The following BTG4 variants were observed in gnomAD, a reference collection of about 807,000 sequenced individuals.
The protein encoded by BTG4 is BTG anti-proliferation factor 4.
A neutral mutation model predicts 19.3 loss-of-function variants in BTG4; 10 were observed. That is an observed-to-expected ratio of 0.52 (90% CI 0.32 to 0.88). The LOEUF (loss-of-function observed/expected upper bound fraction) is 0.88, where lower values mean the gene tolerates loss of function less well. Among genes scored for constraint, BTG4 ranks in the 40% least tolerant of loss-of-function variants. BTG4 has a pLI of 0.04. For synonymous variants in BTG4, 91 were observed against 95.7 expected, an observed-to-expected ratio of 0.95 and a Z score of 0.29; for missense variants, 238 against 281.9, an observed-to-expected ratio of 0.84 and a Z score of 1.11.
the BTG4 span, among the ~76,000 whole-genome samples, chr11:111,423,162 C>A: frequency 6.6e-6 from 1 of 152,090 alleles, no homozygotes; most frequent in Non-Finnish European, 1.5e-5. Context: ...GCCCCTCCAC[C>A]CCGAGTCAGC....
chr11:111,427,974 C>T, the BTG4 span, among the ~76,000 whole-genome samples: 28,971 of 152,066 alleles, frequency 0.19, 2,988 homozygotes, highest in South Asian at 0.28. Context: ...CAGCCCAAGG[C>T]GGTGGCATTC....
At chr11:111,409,012 G>C in the BTG4 span, among the ~76,000 whole-genome samples, 1 of 152,206 alleles carries the variant, frequency 6.6e-6, no homozygotes, top group African/African-American at 2.4e-5. Context: ...AAAAGAAGAA[G>C]TGGGAATTGC....
chr11:111,456,302 G>A, the BTG4 span, among the ~76,000 whole-genome samples: 397 of 152,158 alleles, frequency 2.6e-3, 1 homozygote, highest in Non-Finnish European at 3.5e-3. This position sits in a 1 kb window ranked among gnomAD's most constrained non-coding sequence, Gnocchi z 4.2. Flanking sequence ...AGTCTCTGCC[G>A]GCCTGCGCAA....
At chr11:111,491,727 C>T (rs144615378), downstream of BTG4, among the ~76,000 whole-genome samples, 949 of 107,470 alleles carry the variant, frequency 8.8e-3, 13 homozygotes, top group African/African-American at 0.028. Flanking sequence ...AGAGTGAGAC[C>T]TGATCTCAAA....
the BTG4 span, among the ~76,000 whole-genome samples, chr11:111,409,303 T>C: frequency 6.6e-6 from 1 of 152,020 alleles, no homozygotes. Context: ...CCCACTGTGG[T>C]GGTGTTGAAG....
downstream of BTG4, among the ~76,000 whole-genome samples, chr11:111,493,578 G>A (rs922362407): frequency 1.3e-5 from 2 of 152,140 alleles, no homozygotes; most frequent in Non-Finnish European, 2.9e-5. Flanking sequence ...TATGGAGGCT[G>A]GCAAACATCA....
At chr11:111,509,887 CT>C (rs1335003017) in intron 1 of BTG4, among the ~76,000 whole-genome samples, 3 of 139,710 alleles carry the variant, frequency 2.1e-5, no homozygotes, top group South Asian at 2.4e-4. Context: ...TTGTCTCCAT[CT>C]TTTTTTTTCT....
chr11:111,439,691 C>T, the BTG4 span, among the ~76,000 whole-genome samples: 1 of 152,142 alleles, frequency 6.6e-6, no homozygotes, highest in Non-Finnish European at 1.5e-5. Flanking sequence ...CATCTGGAGG[C>T]CATTCCTAGG....
At chr11:111,421,938 C>G in the BTG4 span, among the ~76,000 whole-genome samples, 1 of 151,826 alleles carries the variant, frequency 6.6e-6, no homozygotes, top group Admixed American at 6.6e-5. Context: ...GAAGGCATGG[C>G]AGGTCACAGC....
At chr11:111,497,027 T>C (rs1188635019) in intron 4 of BTG4, 184 bp downstream of exon 4, 2 of 477,618 alleles carry the variant, frequency 4.2e-6, no homozygotes, top group African/African-American at 4.0e-5. Context: ...CAGCCAAGTG[T>C]AGGGAATACA....
downstream of BTG4, among the ~76,000 whole-genome samples, chr11:111,490,437 T>C (rs554900958): frequency 2.0e-5 from 3 of 152,308 alleles, no homozygotes; most frequent in East Asian, 1.9e-4. Flanking sequence ...ATAACTATTA[T>C]GTACCCATAA....
chr11:111,503,917 A>T (rs1315850488), intron 1 of BTG4, among the ~76,000 whole-genome samples: 1 of 152,140 alleles, frequency 6.6e-6, no homozygotes, highest in Admixed American at 6.6e-5. Flanking sequence ...TTTTTGCTAA[A>T]CTTCACTTAT....
At position 111,498,888 on chromosome 11, in the gene BTG4, A is replaced by G; in HGVS notation, c.-26-86T>C. ...TTTAACTGCCATTTGGAAATTTTAC[A>G]TACCTTAAAGTTAAAACTGAGAAAA... On this transcript the variant is annotated intron_variant, in intron 1 of 4. Transcript: ENST00000692032. 3 of 941,144 alleles carry G rather than the reference A, an allele frequency of 3.2e-6. No homozygotes were observed. The East Asian group carries it at 8.0e-5, about 25-fold the overall frequency. The allele number at this position is 941,144 out of a possible 1,614,324, so 58.3% of individuals were successfully genotyped here.
the BTG4 span, among the ~76,000 whole-genome samples, chr11:111,407,243 T>C: frequency 6.7e-6 from 1 of 149,054 alleles, no homozygotes; most frequent in African/African-American, 2.4e-5. Context: ...CATGTATGTG[T>C]CATATAACAT....
chr11:111,419,422 G>T, the BTG4 span, among the ~76,000 whole-genome samples: 4 of 152,248 alleles, frequency 2.6e-5, no homozygotes, highest in Admixed American at 2.6e-4. Context: ...ACCACTTCCT[G>T]TACGTGCCCC....
chr11:111,510,446 T>C (rs926362035), intron 1 of BTG4, among the ~76,000 whole-genome samples: 1 of 152,216 alleles, frequency 6.6e-6, no homozygotes, highest in African/African-American at 2.4e-5. Flanking sequence ...GGTGCCTTCC[T>C]TGTACTGTCT....
chr11:111,480,071 A>G lies in BTG4; in HGVS notation c.663-12390T>C, dbSNP rs149478140. On this transcript the variant is annotated intron_variant, in intron 5 of 5. Transcript: ENST00000356018. The stretch of plus-strand genomic sequence containing the variant: ...GAAATTGGTAGAGTGAACTAAAAAT[A>G]AGACACAATATGCCATCTACAAGAA... Among the ~76,000 whole-genome samples the G allele has an allele frequency of 7.6e-3, 1,154 of 152,236 alleles. 18 individuals carry two copies. Among genetic ancestry groups the G allele is most frequent in the African/African-American group, 0.026 (1,067 of 41,562 alleles).
chr11:111,454,366 C>T, the BTG4 span: 1 of 451,838 alleles, frequency 2.2e-6, no homozygotes, highest in Non-Finnish European at 4.4e-6. Context: ...AGGTAACTGG[C>T]AGCTCCAGGC....
intron 1 of BTG4, among the ~76,000 whole-genome samples, chr11:111,508,329 C>A (rs7115263): frequency 0.33 from 49,657 of 150,992 alleles, 8,270 homozygotes; most frequent in Middle Eastern, 0.39. Context: ...ACATCTGGGG[C>A]TCCTTGAGCA....
Sources: allele counts gnomAD v4.1 joint callset (sites outside exome capture counted in the v4.1 genomes callset), GRCh38; gene constraint gnomAD v4.1.1; non-coding constraint Gnocchi (gnomAD v3.1); transcripts MANE v1.5; gene names NCBI Gene and HGNC (gene_info 2026-07-23, HGNC 2026-07-21).